TTC28: variants seen among roughly 807,000 people sequenced by gnomAD.
The protein encoded by TTC28 is tetratricopeptide repeat protein 28.
A neutral mutation model predicts 198.0 loss-of-function variants in TTC28; 61 were observed. The observed-to-expected ratio is 0.31, with a 90% CI of 0.25 to 0.38. The LOEUF (loss-of-function observed/expected upper bound fraction) is 0.38. TTC28 is among the 10% of genes least tolerant of loss of function. The probability of loss-of-function intolerance (pLI) is 1.00; values close to 1 mark genes in which losing one functional copy is unlikely to be tolerated. For missense variants in TTC28, 2,678 were observed against 3,164.0 expected, an observed-to-expected ratio of 0.85 and a Z score of 3.69; for synonymous variants, 1,171 against 1,297.8, an observed-to-expected ratio of 0.90 and a Z score of 2.10.
chr22:28,300,705 G>T (rs970245202), intron 3 of TTC28, among the ~76,000 whole-genome samples: 3 of 152,286 alleles, frequency 2.0e-5, no homozygotes, highest in Admixed American at 6.5e-5. Flanking sequence ...AAAGAGTAGG[G>T]CTTAGACAAG....
intron 3 of TTC28, among the ~76,000 whole-genome samples, 191 bp downstream of exon 3, chr22:28,306,305 C>T (rs2045144843): frequency 6.6e-6 from 1 of 152,122 alleles, no homozygotes; most frequent in Admixed American, 6.5e-5. Context: ...GTGAGTGGCC[C>T]TTCTACCATA....
intron 2 of TTC28, among the ~76,000 whole-genome samples, chr22:28,512,761 C>T (rs1225545104): frequency 6.6e-6 from 1 of 152,086 alleles, no homozygotes; most frequent in Non-Finnish European, 1.5e-5. Context: ...ACAACACACA[C>T]TGGGGCCTGT....
chr22:28,028,196 T>C (rs936806932), intron 13 of TTC28, among the ~76,000 whole-genome samples: 1 of 152,222 alleles, frequency 6.6e-6, no homozygotes, highest in Non-Finnish European at 1.5e-5. Flanking sequence ...AGGGTGGGAC[T>C]GGATTGGGTC....
At chr22:28,476,854 TA>T (rs1459717029) in intron 2 of TTC28, among the ~76,000 whole-genome samples, 1 of 151,860 alleles carries the variant, frequency 6.6e-6, no homozygotes, top group East Asian at 1.9e-4. Context: ...TTCATAATAG[TA>T]AAAAAAATGG....
At chr22:28,096,681 C>T (rs1297483963) in intron 10 of TTC28, among the ~76,000 whole-genome samples, 5 of 152,166 alleles carry the variant, frequency 3.3e-5, no homozygotes, top group African/African-American at 1.2e-4. Flanking sequence ...ATTCAGTGCA[C>T]TTGTCCTTAG....
intron 2 of TTC28, among the ~76,000 whole-genome samples, chr22:28,325,023 A>G (rs1304903323): frequency 1.3e-5 from 2 of 151,878 alleles, no homozygotes; most frequent in African/African-American, 4.8e-5. Context: ...CTCTTTTTCT[A>G]TCAATTGGAA....
At chr22:28,259,463 C>T (rs1931172537) in intron 5 of TTC28, among the ~76,000 whole-genome samples, 1 of 151,928 alleles carries the variant, frequency 6.6e-6, no homozygotes, top group East Asian at 1.9e-4. Context: ...TTATAGAGTA[C>T]TAGAGATAAC....
chr22:28,338,560 ACTTCT>A (rs1222102546), intron 2 of TTC28, among the ~76,000 whole-genome samples: 1 of 151,604 alleles, frequency 6.6e-6, no homozygotes, highest in Non-Finnish European at 1.5e-5. Context: ...TTTCCTCTAA[ACTTCT>A]CTTCTCGCTT....
At chr22:28,273,691 G>A (rs1270180078) in intron 5 of TTC28, among the ~76,000 whole-genome samples, 1 of 152,120 alleles carries the variant, frequency 6.6e-6, no homozygotes, top group Non-Finnish European at 1.5e-5. Flanking sequence ...TATTTGAAGA[G>A]ATAGTAGCCA....
chr22:28,318,557 A>G (rs1342564583), intron 2 of TTC28, among the ~76,000 whole-genome samples: 2 of 152,170 alleles, frequency 1.3e-5, no homozygotes, highest in African/African-American at 2.4e-5. Flanking sequence ...AAGCTATACT[A>G]TGAAGTCTTT....
chr22:28,162,283 C>G (rs1024949803), intron 6 of TTC28, among the ~76,000 whole-genome samples: 3 of 152,174 alleles, frequency 2.0e-5, no homozygotes, highest in African/African-American at 7.2e-5. Context: ...ATAGATCTTT[C>G]ACAAAAATAA....
At chr22:28,537,314 A>AC (rs2049308810) in intron 2 of TTC28, among the ~76,000 whole-genome samples, 1 of 145,850 alleles carries the variant, frequency 6.9e-6, no homozygotes, top group Non-Finnish European at 1.5e-5. Flanking sequence ...AAAATAAAAT[A>AC]AAATAAAATA....
intron 2 of TTC28, among the ~76,000 whole-genome samples, chr22:28,491,297 G>C (rs1168797509): frequency 6.6e-6 from 1 of 152,112 alleles, no homozygotes; most frequent in Admixed American, 6.5e-5. Context: ...CACAGCAAAA[G>C]AAACCACCAT....
intron 12 of TTC28, among the ~76,000 whole-genome samples, chr22:28,043,242 CAAAAAAAAA>C (rs11362041): frequency 2.0e-4 from 13 of 65,568 alleles, no homozygotes; most frequent in African/African-American, 4.9e-4. Context: ...GACTCCATCT[CAAAAAAAAA>C]AAAAAAAAAA....
intron 2 of TTC28, among the ~76,000 whole-genome samples, chr22:28,310,838 G>C (rs2045243497): frequency 6.7e-6 from 1 of 150,132 alleles, no homozygotes; most frequent in Admixed American, 6.7e-5. Context: ...GGAGTGAAGT[G>C]GCACAGTCTC....
intron 2 of TTC28, among the ~76,000 whole-genome samples, chr22:28,584,500 A>G (rs2146068844): frequency 6.6e-6 from 1 of 152,222 alleles, no homozygotes; most frequent in East Asian, 1.9e-4. Flanking sequence ...ACTTCATGTG[A>G]TAATGGGAAG....
chr22:28,326,256 C>T (rs1469365962), intron 2 of TTC28, among the ~76,000 whole-genome samples: 1 of 152,052 alleles, frequency 6.6e-6, no homozygotes, highest in Non-Finnish European at 1.5e-5. Flanking sequence ...ATTTATATGA[C>T]ATTTGAAAAA....
At chr22:28,677,765 T>TCC (rs2052023145) in intron 1 of TTC28, among the ~76,000 whole-genome samples, 1 of 151,810 alleles carries the variant, frequency 6.6e-6, no homozygotes, top group South Asian at 2.1e-4. Context: ...CAGTGAAACC[T>TCC]CCTCTCTACT....
intron 2 of TTC28, among the ~76,000 whole-genome samples, chr22:28,352,962 G>A (rs2046022067): frequency 1.3e-5 from 2 of 152,094 alleles, no homozygotes; most frequent in African/African-American, 4.8e-5. Flanking sequence ...GAATCAAATG[G>A]AAACTCTAGA....
Sources: allele counts gnomAD v4.1 joint callset (sites outside exome capture counted in the v4.1 genomes callset), GRCh38; gene constraint gnomAD v4.1.1; transcripts MANE v1.5; gene names NCBI Gene and HGNC (gene_info 2026-07-23, HGNC 2026-07-21).